NELL1: variants seen among roughly 807,000 people sequenced by gnomAD.
The protein encoded by NELL1 is neural EGFL like 1.
A neutral mutation model predicts 107.4 loss-of-function variants in NELL1; 76 were observed. The observed-to-expected ratio is 0.71, with a 90% confidence interval of 0.59 to 0.86. The LOEUF (loss-of-function observed/expected upper bound fraction) is 0.86, where lower values mean the gene tolerates loss of function less well. Among genes scored for constraint, NELL1 ranks in the 40% least tolerant of loss-of-function variants. The probability of loss-of-function intolerance (pLI) is 0.00; values close to 1 mark genes in which losing one functional copy is unlikely to be tolerated. For synonymous variants in NELL1, 353 were observed against 341.2 expected (o/e 1.03, Z -0.38); for missense variants, 1,024 against 1,005.5 (o/e 1.02, Z -0.25).
At chr11:20,890,892 C>G (rs1181130580) in intron 5 of NELL1, among the ~76,000 whole-genome samples, 1 of 151,956 alleles carries the variant, frequency 6.6e-6, no homozygotes, top group Admixed American at 6.6e-5. Context: ...GACTGGAGTA[C>G]CAGAAGGAGA....
At chr11:21,142,207 G>A (rs1183513463) in intron 13 of NELL1, among the ~76,000 whole-genome samples, 1 of 152,174 alleles carries the variant, frequency 6.6e-6, no homozygotes, top group African/African-American at 2.4e-5. Context: ...CTGATCAACA[G>A]AAATTTCCTG....
chr11:20,794,077 A>G (rs1857125260), intron 3 of NELL1, among the ~76,000 whole-genome samples: 1 of 152,186 alleles, frequency 6.6e-6, no homozygotes, highest in African/African-American at 2.4e-5. Flanking sequence ...GTAATTATGT[A>G]AGCATCGTAG....
At chr11:21,511,455 G>A (rs2133944768) in intron 15 of NELL1, among the ~76,000 whole-genome samples, 1 of 152,278 alleles carries the variant, frequency 6.6e-6, no homozygotes, top group East Asian at 1.9e-4. Context: ...GATGTTGGAT[G>A]AGAAAGATAA....
chr11:21,096,632 G>A (rs929505752), intron 12 of NELL1, among the ~76,000 whole-genome samples: 3 of 152,144 alleles, frequency 2.0e-5, no homozygotes. Context: ...ATCATAAACT[G>A]TACCATCATT....
intron 13 of NELL1, among the ~76,000 whole-genome samples, chr11:21,132,498 C>T (rs1855644725): frequency 6.6e-6 from 1 of 152,168 alleles, no homozygotes; most frequent in Non-Finnish European, 1.5e-5. Context: ...AGTCCAGGCA[C>T]TGCACACAGC....
At chr11:21,237,001 A>G (rs897442991) in intron 14 of NELL1, among the ~76,000 whole-genome samples, 1 of 152,130 alleles carries the variant, frequency 6.6e-6, no homozygotes, top group Non-Finnish European at 1.5e-5. Flanking sequence ...TAAAACATCT[A>G]CAGGCTGATC....
At chr11:21,176,388 C>A (rs1856712930) in intron 13 of NELL1, among the ~76,000 whole-genome samples, 1 of 151,778 alleles carries the variant, frequency 6.6e-6, no homozygotes, top group Admixed American at 6.6e-5. Flanking sequence ...TCTTGTCTTA[C>A]TCGCATGGGA....
Position 21,088,240 on chromosome 11 carries a change from G to A in NELL1, c.1301-25349G>A, listed in dbSNP as rs996822335. Among the ~76,000 whole-genome samples the A allele has an allele frequency of 2.6e-5, 4 of 152,116 alleles. No individual in the cohort carries two copies. The East Asian group carries it at 7.7e-4, about 29-fold the overall frequency. ...AATGTGCTTCAAAAGATACATAGCA[G>A]CAGTTTGGGCAAAATAATAATCGTG... On this transcript the variant is annotated intron_variant, in intron 12 of 19. Transcript: ENST00000357134.
intron 11 of NELL1, among the ~76,000 whole-genome samples, chr11:20,954,280 G>A (rs543055352): frequency 6.6e-4 from 100 of 152,310 alleles, no homozygotes; most frequent in Non-Finnish European, 9.9e-4. Flanking sequence ...TACATCTGTA[G>A]CAGATTATTT....
rs75101107 is a variant in NELL1 at position 20,990,691 on chromosome 11, C to T, written c.1300+30131C>T. Among the ~76,000 whole-genome samples, 849 of 152,310 alleles carry T rather than the reference C, an allele frequency of 5.6e-3. 12 individuals are homozygous for T. The highest frequency in any genetic ancestry group is 0.019 in the African/African-American group (805 of 41,566). On this transcript the variant is annotated intron_variant, in intron 12 of 19. Coordinates refer to ENST00000357134, the MANE Select transcript of NELL1 (RefSeq NM_006157.5). ...TGACTCATACCACATTATCCTTTCT[C>T]CCTGAGCTGTCATTTTTGCTTCTAT...
At chr11:21,546,860 G>A (rs1175451185) in intron 16 of NELL1, among the ~76,000 whole-genome samples, 1 of 151,916 alleles carries the variant, frequency 6.6e-6, no homozygotes, top group Admixed American at 6.6e-5. Context: ...ATTTACCTGT[G>A]GGTTTATGAG....
intron 11 of NELL1, among the ~76,000 whole-genome samples, chr11:20,953,261 A>G (rs1450125286): frequency 2.0e-5 from 3 of 152,230 alleles, no homozygotes; most frequent in African/African-American, 7.2e-5. Context: ...TTGTCCAGGT[A>G]TATAATTTCA....
chr11:21,549,011 A>C (rs1296732052), intron 16 of NELL1, among the ~76,000 whole-genome samples: 1 of 151,592 alleles, frequency 6.6e-6, no homozygotes, highest in Non-Finnish European at 1.5e-5. Flanking sequence ...TATATTATTA[A>C]CTAGAAGACA....
At chr11:20,923,599 G>T (rs773572247) in intron 7 of NELL1, among the ~76,000 whole-genome samples, 8 of 152,170 alleles carry the variant, frequency 5.3e-5, no homozygotes, top group Non-Finnish European at 8.8e-5. Flanking sequence ...GATAGGGTCA[G>T]ACTCTGTCCT....
At chr11:21,321,416 G>T (rs1233749250) in intron 14 of NELL1, among the ~76,000 whole-genome samples, 2 of 152,072 alleles carry the variant, frequency 1.3e-5, no homozygotes, top group African/African-American at 4.8e-5. Flanking sequence ...GGGCTGCGCG[G>T]AGTGGTGGGC....
intron 12 of NELL1, among the ~76,000 whole-genome samples, chr11:20,983,728 A>T (rs1054256794): frequency 6.6e-6 from 1 of 152,014 alleles, no homozygotes; most frequent in Non-Finnish European, 1.5e-5. Flanking sequence ...TGGCCTCTTC[A>T]CTTCCTTCAT....
chr11:21,221,120 A>C (rs1283009112), intron 13 of NELL1, among the ~76,000 whole-genome samples: 1 of 152,122 alleles, frequency 6.6e-6, no homozygotes, highest in Non-Finnish European at 1.5e-5. Context: ...GCATCTATTG[A>C]GATGATAATA....
chr11:21,118,056 A>G (rs1367084839), intron 13 of NELL1, among the ~76,000 whole-genome samples: 1 of 152,086 alleles, frequency 6.6e-6, no homozygotes, highest in Non-Finnish European at 1.5e-5. Flanking sequence ...GTTGATTAGG[A>G]TAACCTTTTT....
At chr11:21,329,888 G>T (rs11026027) in intron 14 of NELL1, among the ~76,000 whole-genome samples, 30,816 of 151,898 alleles carry the variant, frequency 0.2, 3,627 homozygotes, top group South Asian at 0.26. Context: ...TGCCACTGTT[G>T]TTATACTGTA....
Sources: gnomAD v4.1 joint callset for allele counts (sites outside exome capture counted in the v4.1 genomes callset) on GRCh38, gnomAD v4.1.1 for gene constraint, MANE v1.5 for transcripts, NCBI Gene and HGNC (gene_info 2026-07-23, HGNC 2026-07-21) for gene names.